The following KCNIP3 variants were observed in gnomAD, a reference collection of about 807,000 sequenced individuals.
The protein encoded by KCNIP3 is potassium voltage-gated channel interacting protein 3, also known as calsenilin.
In KCNIP3, 28 loss-of-function variants were observed where a neutral mutation model predicts 35.0. The observed-to-expected ratio is 0.80, with a 90% CI of 0.59 to 1.10. The LOEUF (loss-of-function observed/expected upper bound fraction) is 1.10, where lower values mean the gene tolerates loss of function less well. Among genes scored for constraint, KCNIP3 ranks in the 50% least tolerant of loss-of-function variants. The pLI is 0.00. For synonymous variants in KCNIP3, 134 were observed against 133.8 expected, an observed-to-expected ratio of 1.00 and a Z score of -0.01; for missense variants, 295 against 338.4, an observed-to-expected ratio of 0.87 and a Z score of 1.01.
intron 2 of KCNIP3, among the ~76,000 whole-genome samples, chr2:95,326,443 C>T (rs1678794387): frequency 2.6e-5 from 4 of 152,234 alleles, no homozygotes; most frequent in Admixed American, 2.6e-4. Flanking sequence ...AGAACAGCAT[C>T]ACGCCAGGCT....
intron 2 of KCNIP3, among the ~76,000 whole-genome samples, chr2:95,358,235 A>G (rs1225635871): frequency 1.3e-5 from 2 of 152,162 alleles, no homozygotes; most frequent in Admixed American, 6.5e-5. Flanking sequence ...GAGAGGTTTC[A>G]CAGGCTTCAC....
intron 2 of KCNIP3, among the ~76,000 whole-genome samples, chr2:95,349,614 G>A (rs1209263879): frequency 6.6e-6 from 1 of 152,212 alleles, no homozygotes; most frequent in Admixed American, 6.5e-5. Context: ...GGCTGAGCCC[G>A]GGGTGGTGGC....
intron 2 of KCNIP3, among the ~76,000 whole-genome samples, chr2:95,349,161 C>T (rs1358562796): frequency 6.6e-6 from 1 of 152,042 alleles, no homozygotes; most frequent in Admixed American, 6.6e-5. Flanking sequence ...TGGTGTCAGC[C>T]AGCCGAGGGC....
chr2:95,367,673 TTGTG>T (rs1039909686), intron 2 of KCNIP3, among the ~76,000 whole-genome samples: 1 of 152,230 alleles, frequency 6.6e-6, no homozygotes, highest in African/African-American at 2.4e-5. Flanking sequence ...GTCTTTTTAT[TTGTG>T]TGTAAGATTT....
At chr2:95,343,950 C>A (rs1679281009) in intron 2 of KCNIP3, among the ~76,000 whole-genome samples, 3 of 151,704 alleles carry the variant, frequency 2.0e-5, no homozygotes, top group African/African-American at 7.3e-5. Context: ...AGATGCAGGA[C>A]ACCCCTGTCT....
chr2:95,297,391 T>A lies in KCNIP3; in HGVS notation c.-48T>A, dbSNP rs1380808760. 1.3e-6 allele frequency: 2 copies of A among 1,542,606 alleles called. No homozygotes were observed. The highest frequency in any genetic ancestry group is 3.9e-5 in the Admixed American group (2 of 51,524). On this transcript the variant is annotated 5_prime_UTR_variant, in exon 1 of 9. Transcript: ENST00000295225. ...GCCGGCCTGGGCAGTCTTGTCTGCC[T>A]CGGCTGTGAAGTGGGGAGGCTGGCA...
intron 2 of KCNIP3, among the ~76,000 whole-genome samples, chr2:95,327,042 G>C (rs1678813145): frequency 6.6e-6 from 1 of 152,218 alleles, no homozygotes; most frequent in African/African-American, 2.4e-5. Context: ...AGATTGCACG[G>C]GACAAGTCAC....
intron 2 of KCNIP3, among the ~76,000 whole-genome samples, chr2:95,332,798 A>G (rs894374600): frequency 1.3e-5 from 2 of 152,076 alleles, no homozygotes; most frequent in Non-Finnish European, 2.9e-5. Context: ...TGGCTTTGGA[A>G]TCTCAGACCT....
intron 2 of KCNIP3, among the ~76,000 whole-genome samples, chr2:95,325,640 C>T (rs1490437140): frequency 1.3e-5 from 2 of 151,582 alleles, no homozygotes; most frequent in African/African-American, 2.4e-5. Flanking sequence ...CACACACACA[C>T]GCATACACAC....
chr2:95,371,579 C>T (rs980599788), intron 2 of KCNIP3, among the ~76,000 whole-genome samples: 4 of 152,060 alleles, frequency 2.6e-5, no homozygotes, highest in Non-Finnish European at 4.4e-5. Flanking sequence ...CCTTTTATTT[C>T]GTCACTTGTC....
rs769227968 is a variant in KCNIP3 at position 95,375,184 on chromosome 2, C to T, written c.423C>T (p.Asp141=). ...TCCTCTTCAACGCCTTTGATGCGGA[C>T]GGGAACGGGGCCATCCACTTTGAGG... is the stretch of plus-strand genomic sequence containing the variant. The part of the protein sequence containing the change: ...AHFLFNAFDA[D]GNGAIHFEDF... Residue 141 remains aspartate (D), a synonymous_variant, in exon 5 of 9, where the codon GAC becomes GAT. Coordinates refer to ENST00000295225, the MANE Select transcript of KCNIP3 (RefSeq NM_013434.5). 3.1e-6 allele frequency: 5 copies of T among 1,614,144 alleles called. No individual in the cohort carries two copies. The highest frequency in any genetic ancestry group is 2.5e-6 in the Non-Finnish European group (3 of 1,180,010).
intron 2 of KCNIP3, chr2:95,312,017 G>A (rs1678332927): frequency 1.3e-5 from 2 of 152,202 alleles, no homozygotes; most frequent in African/African-American, 4.8e-5. Flanking sequence ...TAGGGTGGGG[G>A]CGAGAGCACG....
chr2:95,366,021 G>A (rs1446868929), intron 2 of KCNIP3, among the ~76,000 whole-genome samples: 3 of 151,396 alleles, frequency 2.0e-5, no homozygotes, highest in Non-Finnish European at 2.9e-5. Context: ...GGTCTCTGTC[G>A]CCCAGACTGG....
At chr2:95,349,340 G>T (rs964916520) in intron 2 of KCNIP3, among the ~76,000 whole-genome samples, 1 of 152,160 alleles carries the variant, frequency 6.6e-6, no homozygotes, top group African/African-American at 2.4e-5. Flanking sequence ...AGTCAGAGGG[G>T]TCTCTTGTCC....
chr2:95,306,592 TTA>T (rs1678174146), intron 1 of KCNIP3, among the ~76,000 whole-genome samples: 1 of 152,124 alleles, frequency 6.6e-6, no homozygotes, highest in Non-Finnish European at 1.5e-5. Flanking sequence ...GAGTGAGGCC[TTA>T]AACGCCTGGG....
In KCNIP3 at chr2:95,374,929, G is replaced by T; in HGVS notation, c.376+12G>T. On this transcript the variant is annotated intron_variant, in intron 4 of 8. Transcript: ENST00000295225. ...CTTCCCTCAGGGAGGTGAGTCTGAG[G>T]CAGGGCAGCCCTGCTGTGTCCCAGT... 1.2e-6 allele frequency: 2 copies of T among 1,613,612 alleles called. No individual in the cohort carries two copies. Among genetic ancestry groups the T allele is most frequent in the South Asian group, 1.1e-5 (1 of 91,082 alleles).
intron 2 of KCNIP3, chr2:95,369,011 T>A (rs1679981586): frequency 6.6e-6 from 1 of 152,310 alleles, no homozygotes; most frequent in Admixed American, 6.5e-5. Context: ...TCATTACTGA[T>A]CTGTAGAAAT....
intron 2 of KCNIP3, among the ~76,000 whole-genome samples, chr2:95,367,332 A>G (rs192080595): frequency 6.6e-6 from 1 of 152,250 alleles, no homozygotes; most frequent in East Asian, 1.9e-4. Context: ...TTCTTTCACA[A>G]AATTATTTTA....
chr2:95,384,160 A>G lies in KCNIP3; in HGVS notation c.*111A>G, dbSNP rs1034603643. The G allele has an allele frequency of 1.5e-5, 11 of 720,546 alleles. No homozygotes were observed. In the African/African-American group the frequency reaches 1.7e-4, roughly 11 times the overall value. 44.6% of individuals were successfully genotyped at this position (720,546 alleles called of 1,614,324 possible). A position where few individuals can be genotyped will look rare whatever the true frequency, so the allele number is the denominator to read the frequency against. On this transcript the variant is annotated 3_prime_UTR_variant, in exon 9 of 9. Transcript: ENST00000295225. Reference sequence around the variant, plus strand: ...TAAAAAATAGATTTGCAAAAAGTGAACAGATTGCTACACACACACACACAC... The same window carrying G: ...TAAAAAATAGATTTGCAAAAAGTGAGCAGATTGCTACACACACACACACAC...
Sources: allele counts gnomAD v4.1 joint callset (sites outside exome capture counted in the v4.1 genomes callset), GRCh38; gene constraint gnomAD v4.1.1; transcripts MANE v1.5; gene names NCBI Gene and HGNC (gene_info 2026-07-23, HGNC 2026-07-21).